The following TMCC1 variants were observed in gnomAD, a reference collection of about 807,000 sequenced individuals.
The protein encoded by TMCC1 is transmembrane and coiled-coil domains protein 1.
In TMCC1, 15 loss-of-function variants were observed where a neutral mutation model predicts 52.4. The observed-to-expected ratio is 0.29, with a 90% CI of 0.19 to 0.44. TMCC1 has a LOEUF of 0.44. TMCC1 is among the 20% of genes least tolerant of loss of function. The pLI is 1.00. For missense variants in TMCC1, 503 were observed against 806.0 expected (o/e 0.62, Z 4.55); for synonymous variants, 279 against 301.9 (o/e 0.92, Z 0.79).
chr3:129,887,141 CAT>C (rs1330663516), intron 1 of TMCC1, among the ~76,000 whole-genome samples: 2 of 151,820 alleles, frequency 1.3e-5, no homozygotes, highest in Non-Finnish European at 2.9e-5. Flanking sequence ...GGTGGCTGCA[CAT>C]GTTACACTGT....
At chr3:129,770,534 C>T (rs1163857818) in intron 4 of TMCC1, among the ~76,000 whole-genome samples, 1 of 151,822 alleles carries the variant, frequency 6.6e-6, no homozygotes, top group Middle Eastern at 3.2e-3. Context: ...GCTGTGATCA[C>T]ACCACTGTAC....
At chr3:129,865,365 T>A (rs570135326) in intron 2 of TMCC1, among the ~76,000 whole-genome samples, 7 of 151,834 alleles carry the variant, frequency 4.6e-5, no homozygotes, top group Non-Finnish European at 7.4e-5. Flanking sequence ...TGCCCAGGCT[T>A]GTTTCAAACT....
chr3:129,702,911 A>T (rs1318680496), intron 4 of TMCC1, among the ~76,000 whole-genome samples: 1 of 152,100 alleles, frequency 6.6e-6, no homozygotes, highest in East Asian at 1.9e-4. Context: ...AGCTACTTGG[A>T]AGGCTGAGGC....
chr3:129,715,735 G>C (rs899653733), intron 4 of TMCC1, among the ~76,000 whole-genome samples: 1 of 152,028 alleles, frequency 6.6e-6, no homozygotes, highest in African/African-American at 2.4e-5. Flanking sequence ...GACATTGTGA[G>C]TGCTTAAGTC....
At chr3:129,742,305 G>A (rs2051529085) in intron 4 of TMCC1, among the ~76,000 whole-genome samples, 1 of 152,104 alleles carries the variant, frequency 6.6e-6, no homozygotes, top group African/African-American at 2.4e-5. Context: ...ACAGAGGAAA[G>A]AATCTTGCAA....
At chr3:129,849,631 T>C (rs784703) in intron 2 of TMCC1, among the ~76,000 whole-genome samples, 149,359 of 151,686 alleles carry the variant, frequency 0.98, 73,580 homozygotes, top group East Asian at 1. Flanking sequence ...CCGGGGGTGG[T>C]GGCGGGCACC....
intron 5 of TMCC1, among the ~76,000 whole-genome samples, chr3:129,662,051 T>A (rs1211267421): frequency 6.6e-6 from 1 of 152,062 alleles, no homozygotes; most frequent in African/African-American, 2.4e-5. Flanking sequence ...AAAGGGAAGA[T>A]ACATGTTTTA....
At chr3:129,659,101 T>C (rs895027756) in intron 5 of TMCC1, among the ~76,000 whole-genome samples, 2 of 149,558 alleles carry the variant, frequency 1.3e-5, no homozygotes, top group South Asian at 2.1e-4. Flanking sequence ...TTTCTTTTTT[T>C]TTTTTTTTTT....
In TMCC1 at chr3:129,828,244, A is replaced by C; in HGVS notation, c.135T>G (p.Ile45Met). Reference protein sequence around the residue: ...SKMTHNALENINVIGQGLKHL... With the variant: ...SKMTHNALENMNVIGQGLKHL... ...GCTTCAAGCCTTGGCCAATCACGTT[A>C]ATGTTCTCCAAAGCATTGTGGGTCA... The change falls in exon 4 of 7, where the codon ATT (isoleucine) becomes ATG (methionine). Residue 45 changes from isoleucine to methionine, a missense_variant. Physicochemically the swap from Ile to Met is conservative, Grantham distance 10 (BLOSUM62 1). Around this residue, in one of 7 missense-constraint regions of TMCC1, gnomAD observed 217 missense variants for 297.9 expected, o/e 0.73. Transcript: ENST00000393238. This position sits in a 1 kb window ranked among gnomAD's most constrained non-coding sequence, Gnocchi z 4.1. 6.2e-7 allele frequency: 1 copy of C among 1,614,064 alleles called. No individual in the cohort carries two copies. The highest frequency in any genetic ancestry group is 8.5e-7 in the Non-Finnish European group (1 of 1,180,006).
intron 2 of TMCC1, among the ~76,000 whole-genome samples, chr3:129,877,239 C>T (rs538573152): frequency 6.6e-6 from 1 of 152,290 alleles, no homozygotes; most frequent in South Asian, 2.1e-4. Context: ...CCAATAACTG[C>T]CACATTGTTA....
At chr3:129,725,195 C>T (rs914546761) in intron 4 of TMCC1, among the ~76,000 whole-genome samples, 2 of 152,140 alleles carry the variant, frequency 1.3e-5, no homozygotes, top group Admixed American at 1.3e-4. Flanking sequence ...CTCACCGCAA[C>T]CTCCGCCTCC....
chr3:129,711,786 C>G (rs62265561), intron 4 of TMCC1, among the ~76,000 whole-genome samples: 3 of 140,550 alleles, frequency 2.1e-5, no homozygotes, highest in Non-Finnish European at 4.6e-5. Context: ...GTCAGGAGTT[C>G]GAGACCAGCC....
chr3:129,789,985 C>T (rs1334050963), intron 4 of TMCC1, among the ~76,000 whole-genome samples: 1 of 152,096 alleles, frequency 6.6e-6, no homozygotes, highest in Non-Finnish European at 1.5e-5. Flanking sequence ...TCTTCACAGG[C>T]CAACCCAAGA....
At chr3:129,779,327 T>C (rs914939760) in intron 4 of TMCC1, among the ~76,000 whole-genome samples, 4 of 151,228 alleles carry the variant, frequency 2.6e-5, no homozygotes, top group African/African-American at 9.6e-5. Flanking sequence ...GGTAATTTCT[T>C]AAGATCATTT....
intron 4 of TMCC1, among the ~76,000 whole-genome samples, chr3:129,718,454 G>A (rs1162436465): frequency 1.3e-5 from 2 of 152,164 alleles, no homozygotes; most frequent in African/African-American, 4.8e-5. Context: ...GATCTCTTGA[G>A]ACTTCTCTAT....
chr3:129,883,092 C>T (rs2061534920), intron 1 of TMCC1, among the ~76,000 whole-genome samples: 1 of 150,772 alleles, frequency 6.6e-6, no homozygotes, highest in Non-Finnish European at 1.5e-5. Context: ...AGTTCGAGAC[C>T]AGCCTGGCCA....
intron 4 of TMCC1, among the ~76,000 whole-genome samples, chr3:129,693,179 C>T (rs766038783): frequency 1.6e-4 from 24 of 152,198 alleles, no homozygotes; most frequent in African/African-American, 4.6e-4. Context: ...GATGGGTTTG[C>T]GTCTTTGGTT....
intron 4 of TMCC1, among the ~76,000 whole-genome samples, chr3:129,740,111 A>C (rs1223514441): frequency 1.3e-5 from 2 of 152,254 alleles, no homozygotes; most frequent in East Asian, 3.9e-4. Flanking sequence ...AGGTCTTTGC[A>C]ATCTCTGAAG....
chr3:129,825,183 A>G (rs1348557942), intron 4 of TMCC1, among the ~76,000 whole-genome samples: 1 of 152,202 alleles, frequency 6.6e-6, no homozygotes, highest in Non-Finnish European at 1.5e-5. Flanking sequence ...TTTCTTCCCC[A>G]CTGGGAGAAC....
Sources: allele counts gnomAD v4.1 joint callset (sites outside exome capture counted in the v4.1 genomes callset), GRCh38; gene constraint gnomAD v4.1.1; regional missense constraint gnomAD v4.1.1; non-coding constraint Gnocchi (gnomAD v3.1); transcripts MANE v1.5; gene names NCBI Gene and HGNC (gene_info 2026-07-23, HGNC 2026-07-21).